Variants in RBM5 observed in about 807,000 individuals in gnomAD.
RBM5 encodes RNA-binding protein 5.
A neutral mutation model predicts 124.6 loss-of-function variants in RBM5; 15 were observed. The observed-to-expected ratio is 0.12, with a 90% confidence interval of 0.08 to 0.19. RBM5 has a LOEUF of 0.19. Among genes scored for constraint, RBM5 ranks in the 10% least tolerant of loss-of-function variants. RBM5 has a pLI of 1.00. For synonymous variants in RBM5, 337 were observed against 361.2 expected (o/e 0.93, Z 0.76); for missense variants, 580 against 1,026.5 (o/e 0.57, Z 5.94).
In RBM5 at chr3:50,106,858, C is replaced by T; in HGVS notation, c.947C>T (p.Ala316Val). The change falls in exon 11 of 25, where the codon GCC becomes GTC. Residue 316 changes from alanine (A) to valine (V), a missense_variant. Transcript: ENST00000347869. The part of the protein sequence containing the change: ...KTIGVDFAKS[A>V]RKDLVLSDGN... ...ATTGGGGTTGATTTTGCAAAAAGTG[C>T]CAGAAAGTGAGTGGCTTCATTGTCC... 1 of 1,596,608 alleles carries T rather than the reference C, an allele frequency of 6.3e-7. No homozygotes were observed. Among genetic ancestry groups the T allele is most frequent in the Non-Finnish European group, 8.6e-7 (1 of 1,164,068 alleles).
Position 50,117,713 on chromosome 3 carries a change from G to T in RBM5, c.2322+334G>T. The stretch of plus-strand genomic sequence containing the variant: ...GGAGAATTGCTAGAACCTGGCAGGA[G>T]GAGGTTGCAGTGAGCCGAGATCACG... On this transcript the variant is annotated intron_variant, in intron 24 of 24. Coordinates refer to ENST00000347869, the MANE Select transcript of RBM5 (RefSeq NM_005778.4). The surrounding 1 kb of genome is among the most constrained non-coding windows in gnomAD (Gnocchi z 4.2). 4.7e-6 allele frequency: 1 copy of T among 213,890 alleles called. No homozygotes were observed. Among genetic ancestry groups the T allele is most frequent in the Non-Finnish European group, 9.5e-6 (1 of 104,804 alleles). The allele number at this position is 213,890 out of a possible 1,614,324, so 13.2% of individuals were successfully genotyped here. A position where few individuals can be genotyped will look rare whatever the true frequency, so the allele number is the denominator to read the frequency against.
chr3:50,110,814 C>T lies in RBM5; in HGVS notation c.1455+44C>T, dbSNP rs772897383. ...TCCTCAATTTCACTAGAAGTAGTTT[C>T]GCTTAGTGCATTTATGAGGCATAAA... On this transcript the variant is annotated intron_variant, in intron 17 of 24. Coordinates refer to ENST00000347869, the MANE Select transcript of RBM5 (RefSeq NM_005778.4). 4.0e-5 allele frequency: 58 copies of T among 1,467,220 alleles called. No homozygotes were observed. The Admixed American group carries it at 6.5e-4, about 16-fold the overall frequency. The allele number at this position is 1,467,220 out of a possible 1,614,324, so 90.9% of individuals were successfully genotyped here.
intron 4 of RBM5, among the ~76,000 whole-genome samples, chr3:50,095,244 C>T (rs974626901): frequency 6.6e-6 from 1 of 152,134 alleles, no homozygotes; most frequent in Non-Finnish European, 1.5e-5. Flanking sequence ...CTTTGAAGCT[C>T]AATGTATGAG....
rs1279127981 is a variant in RBM5 at position 50,115,420 on chromosome 3, G to T, written c.1840-8G>T. On this transcript the variant is annotated splice_region_variant and splice_polypyrimidine_tract_variant and intron_variant, in intron 20 of 24. Coordinates refer to ENST00000347869, the MANE Select transcript of RBM5 (RefSeq NM_005778.4). ...ATTTCCAGTGACCTGTCCTCCTTTTGTCTCCAGAGGGGTCTGGTTGCTGCT... is the reference window on the plus strand; with the variant it reads ...ATTTCCAGTGACCTGTCCTCCTTTTTTCTCCAGAGGGGTCTGGTTGCTGCT... 1.2e-6 allele frequency: 2 copies of T among 1,611,152 alleles called. No individual in the cohort carries two copies. The highest frequency in any genetic ancestry group is 1.7e-6 in the Non-Finnish European group (2 of 1,179,282).
At chr3:50,096,717 A>G (rs188628322) in intron 4 of RBM5, among the ~76,000 whole-genome samples, 2 of 151,412 alleles carry the variant, frequency 1.3e-5, no homozygotes, top group African/African-American at 2.4e-5. Flanking sequence ...CAGCCTCCCA[A>G]GTAGCTGGGA....
intron 1 of RBM5, chr3:50,090,109 G>A (rs1187025808): frequency 2.0e-5 from 5 of 246,508 alleles, no homozygotes; most frequent in Admixed American, 5.2e-5. Context: ...GAGCAGGGAA[G>A]GAGTCTTCTG....
chr3:50,104,165 C>G (rs2090992188), intron 7 of RBM5, 83 bp from the exon 8 acceptor site: 2 of 1,145,552 alleles, frequency 1.7e-6, no homozygotes, highest in East Asian at 4.9e-5. Flanking sequence ...GTTACTGGGA[C>G]CTACCCGTGG....
At chr3:50,109,856 G>T in intron 15 of RBM5, 168 bp downstream of exon 15, 1 of 518,736 alleles carries the variant, frequency 1.9e-6, no homozygotes, top group Non-Finnish European at 3.4e-6. Context: ...ATATGTGCAT[G>T]TATATTTTAA....
At chr3:50,096,950 G>A (rs897775679) in intron 4 of RBM5, among the ~76,000 whole-genome samples, 1 of 152,082 alleles carries the variant, frequency 6.6e-6, no homozygotes, top group African/African-American at 2.4e-5. Context: ...CACATGAGCA[G>A]GGAATAGAAA....
Position 50,118,337 on chromosome 3 carries a change from G to A in RBM5, c.2329G>A (p.Val777Ile). ...QGITAPIEAQ[V>I]RLKGAGLGAK... Reference sequence around the variant, plus strand: ...AGTCTCTGTGCTTTCCCAGGCTCAAGTTCGGCTAAAGGGAGCTGGCCTAGG... The same window carrying A: ...AGTCTCTGTGCTTTCCCAGGCTCAAATTCGGCTAAAGGGAGCTGGCCTAGG... Residue 777 changes from valine (V) to isoleucine (I), a missense_variant, in exon 25 of 25, where the codon GTT (valine) becomes ATT (isoleucine). Coordinates refer to ENST00000347869, the MANE Select transcript of RBM5 (RefSeq NM_005778.4). 2 of 1,614,126 alleles carry A rather than the reference G, an allele frequency of 1.2e-6. No individual in the cohort carries two copies. The highest frequency in any genetic ancestry group is 8.5e-7 in the Non-Finnish European group (1 of 1,180,010).
At chr3:50,106,736 A>G in intron 10 of RBM5, 31 bp from the exon 11 acceptor site, 1 of 1,467,310 alleles carries the variant, frequency 6.8e-7, no homozygotes, top group South Asian at 1.1e-5. Context: ...TAATTGCATT[A>G]CACGTTTTTT....
At chr3:50,105,967 T>A (rs1340473125) in intron 10 of RBM5, among the ~76,000 whole-genome samples, 1 of 152,092 alleles carries the variant, frequency 6.6e-6, no homozygotes, top group East Asian at 1.9e-4. Context: ...GTTGTTGTTC[T>A]TTTTTGGGAT....
At chr3:50,105,191 G>C (rs1260577392) in intron 9 of RBM5, 49 bp downstream of exon 9, 1 of 1,442,958 alleles carries the variant, frequency 6.9e-7, no homozygotes, top group Non-Finnish European at 9.7e-7. Flanking sequence ...ATTGACCTCA[G>C]TTGTCAGGAG....
At chr3:50,105,829 A>T (rs922253173) in intron 10 of RBM5, 120 bp downstream of exon 10, 3 of 1,102,700 alleles carry the variant, frequency 2.7e-6, no homozygotes, top group Non-Finnish European at 3.8e-6. Flanking sequence ...CTCCCTAATG[A>T]CAGTTTTTGC....
In RBM5 at chr3:50,113,412, C is replaced by T. The variant is rs188042950; in HGVS notation, c.1485C>T (p.Tyr495=). 439 of 1,613,800 alleles carry T rather than the reference C, an allele frequency of 2.7e-4. 4 individuals carry two copies. In the East Asian group the frequency reaches 8.5e-3, roughly 31 times the overall value. ...ACTATAATTCCTTGACCCAGCAGTA[C>T]CTTTACTGGGATGGGGAAAAAGAGA... ...QYYYNSLTQQ[Y]LYWDGEKETY... Residue 495 remains tyrosine (Y), a synonymous_variant, in exon 18 of 25, where the codon TAC becomes TAT. Coordinates refer to ENST00000347869, the MANE Select transcript of RBM5 (RefSeq NM_005778.4).
At chr3:50,109,719 T>C in intron 15 of RBM5, 31 bp downstream of exon 15, 1 of 1,579,876 alleles carries the variant, frequency 6.3e-7, no homozygotes, top group Middle Eastern at 1.7e-4. Context: ...ACAAAACTCG[T>C]GGCTGATGGG....
intron 18 of RBM5, 31 bp from the exon 19 acceptor site, chr3:50,113,919 T>A (rs1279803673): frequency 6.2e-7 from 1 of 1,605,406 alleles, no homozygotes; most frequent in Non-Finnish European, 8.5e-7. Context: ...GATTAAATAT[T>A]TTTTTGTTGG....
intron 7 of RBM5, among the ~76,000 whole-genome samples, 188 bp from the exon 8 acceptor site, chr3:50,104,060 T>C (rs977435874): frequency 3.3e-5 from 5 of 152,230 alleles, no homozygotes; most frequent in African/African-American, 1.2e-4. Context: ...CAACAAACTT[T>C]GTTTTTCTTG....
intron 4 of RBM5, among the ~76,000 whole-genome samples, chr3:50,096,805 CTT>C (rs1192457202): frequency 6.7e-6 from 1 of 150,300 alleles, no homozygotes; most frequent in Non-Finnish European, 1.5e-5. Flanking sequence ...CAAGGTCTCT[CTT>C]TATTGCCTAG....
Sources: gnomAD v4.1 joint callset for allele counts (sites outside exome capture counted in the v4.1 genomes callset) on GRCh38, gnomAD v4.1.1 for gene constraint, Gnocchi (gnomAD v3.1) non-coding constraint, MANE v1.5 for transcripts, NCBI Gene and HGNC (gene_info 2026-07-23, HGNC 2026-07-21) for gene names.